The following KCNAB2 variants were observed in gnomAD, a reference collection of about 807,000 sequenced individuals.
The protein encoded by KCNAB2 is voltage-gated potassium channel subunit beta-2.
In KCNAB2, 29 loss-of-function variants were observed where a neutral mutation model predicts 63.6. The observed-to-expected ratio is 0.46, with a 90% CI of 0.34 to 0.62. KCNAB2 has a LOEUF of 0.62. Ranked by LOEUF, KCNAB2 falls within the 20% of genes least tolerant of loss-of-function variation. KCNAB2 has a pLI of 0.01. For synonymous variants in KCNAB2, 222 were observed against 224.2 expected (o/e 0.99, Z 0.09); for missense variants, 359 against 563.9 (o/e 0.64, Z 3.68).
intron 1 of KCNAB2, among the ~76,000 whole-genome samples, chr1:6,039,083 G>T (rs1210936910): frequency 6.6e-6 from 1 of 152,254 alleles, no homozygotes; most frequent in African/African-American, 2.4e-5. Context: ...GGCAGCAAGG[G>T]CGTGGTGTCG....
At position 6,071,449 on chromosome 1, in the gene KCNAB2, G is replaced by A. The variant is rs1468845110; in HGVS notation, c.219-1306G>A. On this transcript the variant is annotated intron_variant, in intron 2 of 15. Transcript: ENST00000378083. The surrounding 1 kb of genome is among the most constrained non-coding windows in gnomAD (Gnocchi z 8.5). Reference sequence around the variant, plus strand: ...CTGGCTGCAGCTGTGAGATCCACCCGGCCACTTGTCAACCTCACCATCTGG... The same window carrying A: ...CTGGCTGCAGCTGTGAGATCCACCCAGCCACTTGTCAACCTCACCATCTGG... Among the ~76,000 whole-genome samples, 4 of 152,152 alleles carry A rather than the reference G, an allele frequency of 2.6e-5. No homozygotes were observed. The highest frequency in any genetic ancestry group is 1.9e-4 in the East Asian group (1 of 5,188).
At chr1:6,045,632 G>A (rs546484960), upstream of KCNAB2, among the ~76,000 whole-genome samples, 13 of 152,350 alleles carry the variant, frequency 8.5e-5, no homozygotes, top group African/African-American at 3.1e-4. The surrounding 1 kb of genome is among the most constrained non-coding windows in gnomAD (Gnocchi z 4.8). Flanking sequence ...CCCCTTGGCT[G>A]TGGGTGGTGG....
chr1:6,023,433 C>T (rs1570882417), intron 1 of KCNAB2, among the ~76,000 whole-genome samples: 1 of 152,300 alleles, frequency 6.6e-6, no homozygotes, highest in East Asian at 1.9e-4. Flanking sequence ...ACAGGGTCCC[C>T]ATTTCTCCAC....
At chr1:6,022,698 C>T (rs1311001749) in intron 1 of KCNAB2, among the ~76,000 whole-genome samples, 1 of 152,092 alleles carries the variant, frequency 6.6e-6, no homozygotes, top group Admixed American at 6.5e-5. Context: ...TCTCTAGGCA[C>T]GTGACTACTC....
chr1:6,071,792 C>T lies in KCNAB2; in HGVS notation c.219-963C>T, dbSNP rs1663215364. ...CCTGCCGCGTGGGCTCCTCCTGCCA[C>T]ATAGGGCACCTCCTGCCGCGAGGGC... On this transcript the variant is annotated intron_variant, in intron 2 of 15. Transcript: ENST00000378083. The surrounding 1 kb of genome is among the most constrained non-coding windows in gnomAD (Gnocchi z 8.5). 1.3e-5 allele frequency among the ~76,000 whole-genome samples: 2 copies of T among 150,240 alleles called. No individual in the cohort carries two copies. Among genetic ancestry groups the T allele is most frequent in the African/African-American group, 4.9e-5 (2 of 40,780 alleles).
intron 2 of KCNAB2, among the ~76,000 whole-genome samples, chr1:6,066,628 C>G (rs1221386096): frequency 2.0e-5 from 3 of 152,230 alleles, no homozygotes; most frequent in East Asian, 1.9e-4. Flanking sequence ...CAGGGCCCCC[C>G]CAACATCCTC....
At chr1:6,027,187 A>AG (rs1659247097) in intron 1 of KCNAB2, 1 of 149,728 alleles carries the variant, frequency 6.7e-6, no homozygotes, top group South Asian at 2.1e-4. Context: ...GTGGTCTTGG[A>AG]GGGAGGAGGC....
intron 1 of KCNAB2, 68 bp downstream of exon 1, chr1:6,046,251 T>G: frequency 2.1e-6 from 2 of 957,842 alleles, no homozygotes. Context: ...TCCGCGGGAA[T>G]GAAAAATAAC....
intron 1 of KCNAB2, among the ~76,000 whole-genome samples, chr1:6,006,711 CT>C: frequency 9.0e-6 from 1 of 110,730 alleles, no homozygotes; most frequent in Admixed American, 8.8e-5. Flanking sequence ...CCACTTCACC[CT>C]CACTCCTCAG....
upstream of KCNAB2, among the ~76,000 whole-genome samples, chr1:6,044,144 C>A (rs1660729950): frequency 1.3e-5 from 2 of 152,266 alleles, no homozygotes; most frequent in Middle Eastern, 6.8e-3. Context: ...AGGAACCAGC[C>A]CACAGTCAAG....
At chr1:6,023,073 G>T (rs1213787807) in intron 1 of KCNAB2, among the ~76,000 whole-genome samples, 1 of 151,932 alleles carries the variant, frequency 6.6e-6, no homozygotes, top group Non-Finnish European at 1.5e-5. Flanking sequence ...GTAGAGACGG[G>T]GTTTCGCCAT....
chr1:6,066,919 C>T (rs960249189), intron 2 of KCNAB2, among the ~76,000 whole-genome samples: 2 of 152,248 alleles, frequency 1.3e-5, no homozygotes, highest in African/African-American at 4.8e-5. Context: ...GGCTCAGCCC[C>T]CATCTGGCTC....
chr1:6,030,571 ATG>A (rs1373409017), upstream of KCNAB2, among the ~76,000 whole-genome samples: 1 of 149,142 alleles, frequency 6.7e-6, no homozygotes, highest in Admixed American at 6.7e-5. Flanking sequence ...CTATGTGTGT[ATG>A]TGTGTAGGTA....
Position 5,994,505 on chromosome 1 carries a change from C to T in KCNAB2, c.-53+1717C>T, listed in dbSNP as rs997070568. ...TCCCTCGAGAGCAGCATGGTAGGGG[C>T]TTCCCTGTTGACACCCAGGGCCATT... On this transcript the variant is annotated intron_variant, in intron 1 of 16. Coordinates refer to the KCNAB2 transcript ENST00000341524. The surrounding 1 kb of genome is among the most constrained non-coding windows in gnomAD (Gnocchi z 5.4). Among the ~76,000 whole-genome samples, 4 of 152,204 alleles carry T rather than the reference C, an allele frequency of 2.6e-5. No individual in the cohort carries two copies. Among genetic ancestry groups the T allele is most frequent in the African/African-American group, 7.2e-5 (3 of 41,444 alleles).
Position 6,091,260 on chromosome 1 carries a change from C to T in KCNAB2, c.602-3C>T. 2 of 1,531,950 alleles carry T rather than the reference C, an allele frequency of 1.3e-6. No homozygotes were observed. Among genetic ancestry groups the T allele is most frequent in the Non-Finnish European group, 1.7e-6 (2 of 1,143,140 alleles). The allele number at this position is 1,531,950 out of a possible 1,614,324, so 94.9% of individuals were successfully genotyped here. On this transcript the variant is annotated splice_polypyrimidine_tract_variant and splice_region_variant and intron_variant, in intron 9 of 15. Coordinates refer to ENST00000378083, the MANE Select transcript of KCNAB2 (RefSeq NM_001199862.2). ...TCTCTTTAAATCTTTCTTCTATCAC[C>T]AGGGGACCCATTTAGTTCCTCCAAG...
chr1:6,048,876 G>C (rs1661160470), intron 1 of KCNAB2, among the ~76,000 whole-genome samples: 1 of 152,244 alleles, frequency 6.6e-6, no homozygotes, highest in African/African-American at 2.4e-5. Context: ...GCAGGGAAGG[G>C]AAGCTGGTGC....
At chr1:6,065,141 G>T (rs1215865342) in intron 2 of KCNAB2, among the ~76,000 whole-genome samples, 2 of 152,196 alleles carry the variant, frequency 1.3e-5, no homozygotes, top group Admixed American at 1.3e-4. Context: ...AGCAGGTGCC[G>T]CTGGGCATGC....
chr1:6,050,883 G>A (rs1661325395), intron 1 of KCNAB2, among the ~76,000 whole-genome samples: 1 of 152,254 alleles, frequency 6.6e-6, no homozygotes, highest in Admixed American at 6.5e-5. Flanking sequence ...GCGGTGCAAT[G>A]ATGCGTTCAA....
chr1:6,044,985 A>T (rs1422982475), upstream of KCNAB2, among the ~76,000 whole-genome samples: 1 of 152,188 alleles, frequency 6.6e-6, no homozygotes. Flanking sequence ...AGTGAGGCGC[A>T]GGCCCCCCGA....
Sources: allele counts gnomAD v4.1 joint callset (sites outside exome capture counted in the v4.1 genomes callset), GRCh38; gene constraint gnomAD v4.1.1; non-coding constraint Gnocchi (gnomAD v3.1); transcripts MANE v1.5; gene names NCBI Gene and HGNC (gene_info 2026-07-23, HGNC 2026-07-21).